FNBP1L: variants seen among roughly 807,000 people sequenced by gnomAD.
The protein encoded by FNBP1L is formin binding protein 1 like.
A neutral mutation model predicts 91.2 loss-of-function variants in FNBP1L; 36 were observed. That is an observed-to-expected ratio of 0.39 (90% CI 0.30 to 0.52). FNBP1L has a LOEUF of 0.52. Among genes scored for constraint, FNBP1L ranks in the 20% least tolerant of loss-of-function variants. The pLI, the probability that FNBP1L is intolerant of heterozygous loss-of-function variation, is 0.66. For missense variants in FNBP1L, 571 were observed against 732.1 expected, an observed-to-expected ratio of 0.78 and a Z score of 2.54; for synonymous variants, 242 against 237.0, an observed-to-expected ratio of 1.02 and a Z score of -0.19.
rs182345192 is a variant in FNBP1L at position 93,495,122 on chromosome 1, T to C, written c.25-4346T>C. ...TGAAAATAGTGATATGTGTAAAATA[T>C]GGCAATAAAATAAATTATCTCAGCA... On this transcript the variant is annotated intron_variant, in intron 1 of 16. Transcript: ENST00000271234. Among the ~76,000 whole-genome samples the C allele has an allele frequency of 1.1e-4, 17 of 152,294 alleles. No individual in the cohort carries two copies. The East Asian group carries it at 2.7e-3, about 24-fold the overall frequency.
Position 93,544,236 on chromosome 1 carries a change from T to C in FNBP1L, c.1274+20T>C. 1 of 1,547,722 alleles carries C rather than the reference T, an allele frequency of 6.5e-7. No homozygotes were observed. Among genetic ancestry groups the C allele is most frequent in the Non-Finnish European group, 8.9e-7 (1 of 1,127,216 alleles). On this transcript the variant is annotated intron_variant, in intron 12 of 16. Transcript: ENST00000271234. ...CCAAAAGTATTATTCCTTTAAGTTT[T>C]CTCTATCATTATTATTTTAGGATCT...
chr1:93,535,641 ATAAAAT>A (rs1276660305), intron 9 of FNBP1L, among the ~76,000 whole-genome samples: 2 of 152,086 alleles, frequency 1.3e-5, no homozygotes, highest in African/African-American at 2.4e-5. Context: ...ATGAGTGTAG[ATAAAAT>A]TAAAATTTAA....
chr1:93,509,805 C>T (rs1203916628), intron 2 of FNBP1L, among the ~76,000 whole-genome samples: 1 of 152,220 alleles, frequency 6.6e-6, no homozygotes, highest in East Asian at 1.9e-4. Context: ...TCGGGAAGCG[C>T]AAGGGGTCAG....
intron 6 of FNBP1L, 63 bp downstream of exon 6, chr1:93,529,819 C>CAT: frequency 1.0e-6 from 1 of 972,170 alleles, no homozygotes; most frequent in Non-Finnish European, 1.5e-6. Flanking sequence ...GGAAAGTAGT[C>CAT]ACGACATTTG....
chr1:93,521,020 C>T (rs920118594), intron 2 of FNBP1L, among the ~76,000 whole-genome samples: 4 of 151,140 alleles, frequency 2.6e-5, no homozygotes, highest in East Asian at 2.0e-4. Context: ...CCAGCCTGGG[C>T]GACACAGTGA....
intron 1 of FNBP1L, among the ~76,000 whole-genome samples, chr1:93,487,300 C>T (rs1022829450): frequency 2.6e-5 from 4 of 152,150 alleles, no homozygotes; most frequent in African/African-American, 9.6e-5. Flanking sequence ...TGATTTTGCC[C>T]ATTCTTTACT....
At position 93,534,784 on chromosome 1, in the gene FNBP1L, A is replaced by G. The variant is rs373661130; in HGVS notation, c.866A>G (p.His289Arg). Residue 289 changes from histidine (H) to arginine (R), a missense_variant, in exon 9 of 17, where the codon CAT becomes CGT. Transcript: ENST00000271234. ...GDFPFEDYSQHIYRTISDGTI... is the reference protein window; with the variant it reads ...GDFPFEDYSQRIYRTISDGTI... ...TTTCCATTTGAAGATTACAGTCAAC[A>G]TATATATAGAACCATTTCTGATGGG... 6.4e-7 allele frequency: 1 copy of G among 1,570,574 alleles called. No individual in the cohort carries two copies. Among genetic ancestry groups the G allele is most frequent in the Non-Finnish European group, 8.7e-7 (1 of 1,155,978 alleles).
At chr1:93,530,304 A>G (rs904084082) in intron 6 of FNBP1L, among the ~76,000 whole-genome samples, 2 of 152,146 alleles carry the variant, frequency 1.3e-5, no homozygotes, top group African/African-American at 4.8e-5. Context: ...TAAGTTCCAT[A>G]TTTTAGTTGG....
chr1:93,487,587 G>A (rs1022903071), intron 1 of FNBP1L, among the ~76,000 whole-genome samples: 4 of 152,160 alleles, frequency 2.6e-5, no homozygotes, highest in Admixed American at 6.5e-5. Flanking sequence ...CAGAAAAAGA[G>A]AAAATCATAT....
rs1017765540 is a variant in FNBP1L, at chr1:93,456,251, A to G, written c.24+7946A>G. ...CCAAATTAGTTATTCATGTTTGGCAATTGGGGCATTTTTTCCTTAAGTTCT... is the reference window on the plus strand; with the variant it reads ...CCAAATTAGTTATTCATGTTTGGCAGTTGGGGCATTTTTTCCTTAAGTTCT... On this transcript the variant is annotated intron_variant, in intron 1 of 16. Transcript: ENST00000271234. Among the ~76,000 whole-genome samples, 65 of 152,200 alleles carry G rather than the reference A, an allele frequency of 4.3e-4. 1 individual carries two copies. Among genetic ancestry groups the G allele is most frequent in the African/African-American group, 1.3e-3 (54 of 41,444 alleles).
chr1:93,507,604 G>A (rs1334141229), intron 2 of FNBP1L, among the ~76,000 whole-genome samples: 1 of 150,700 alleles, frequency 6.6e-6, no homozygotes, highest in African/African-American at 2.4e-5. Flanking sequence ...AATGAGATCA[G>A]CTGCTTCGGA....
intron 2 of FNBP1L, among the ~76,000 whole-genome samples, chr1:93,514,659 C>A (rs1053214921): frequency 6.6e-6 from 1 of 152,104 alleles, no homozygotes; most frequent in Non-Finnish European, 1.5e-5. Flanking sequence ...GAAAAACAAG[C>A]ATTGGGGAAA....
intron 11 of FNBP1L, among the ~76,000 whole-genome samples, chr1:93,542,638 C>A (rs999855398): frequency 6.6e-6 from 1 of 151,784 alleles, no homozygotes; most frequent in Non-Finnish European, 1.5e-5. Flanking sequence ...CTCATTCTTA[C>A]ACATGGTGAA....
intron 1 of FNBP1L, among the ~76,000 whole-genome samples, chr1:93,485,369 C>T (rs1373592051): frequency 6.6e-6 from 1 of 151,854 alleles, no homozygotes; most frequent in Non-Finnish European, 1.5e-5. Flanking sequence ...TTTAAAGACC[C>T]CTATAGAGAA....
intron 2 of FNBP1L, among the ~76,000 whole-genome samples, chr1:93,518,224 T>G (rs1671198990): frequency 6.6e-6 from 1 of 152,196 alleles, no homozygotes; most frequent in Non-Finnish European, 1.5e-5. Context: ...CTTCACGTAA[T>G]AGAGTCATTT....
At position 93,461,797 on chromosome 1, in the gene FNBP1L, T is replaced by C. The variant is rs541620860; in HGVS notation, c.24+13492T>C. On this transcript the variant is annotated intron_variant, in intron 1 of 16. Transcript: ENST00000271234. The stretch of plus-strand genomic sequence containing the variant: ...TGGCTTTGTAGAGGGAAAACAAATA[T>C]GTGGATATTTGAATTATTACATGGG... Among the ~76,000 whole-genome samples the C allele has an allele frequency of 3.3e-5, 5 of 152,290 alleles. No homozygotes were observed. In the East Asian group the frequency reaches 9.6e-4, roughly 29 times the overall value.
In FNBP1L at chr1:93,448,241, TGAA is replaced by T. The variant is rs1668335367; in HGVS notation, c.-39_-37del. 1 of 1,521,128 alleles carries T rather than the reference TGAA, an allele frequency of 6.6e-7. No homozygotes were observed. The highest frequency in any genetic ancestry group is 8.8e-7 in the Non-Finnish European group (1 of 1,134,206). 94.2% of individuals were successfully genotyped at this position (1,521,128 alleles called of 1,614,324 possible). The stretch of plus-strand genomic sequence containing the variant: ...CGGACAGACTGTGGAGCCGACAGAC[TGAA>T]GGACAGCGGCACCGCCAGACGGCCA... On this transcript the variant is annotated 5_prime_UTR_variant, in exon 1 of 17. Transcript: ENST00000271234.
In FNBP1L at chr1:93,546,916, A is replaced by G; in HGVS notation, c.1349A>G (p.Lys450Arg). 1.2e-6 allele frequency: 2 copies of G among 1,613,052 alleles called. No homozygotes were observed. Among genetic ancestry groups the G allele is most frequent in the Non-Finnish European group, 1.7e-6 (2 of 1,179,456 alleles). The change falls in exon 13 of 17, where the codon AAA becomes AGA. Residue 450 changes from lysine (K) to arginine (R), a missense_variant. Coordinates refer to ENST00000271234, the MANE Select transcript of FNBP1L (RefSeq NM_001164473.3). ...GGGGATCCAGGGAGTTTGCAGCCTA[A>G]ATTAGCAGAGACCATGAATAACATT... is the stretch of plus-strand genomic sequence containing the variant. ...QMGDPGSLQP[K>R]LAETMNNIDR...
chr1:93,460,040 C>T (rs1354623962), intron 1 of FNBP1L, among the ~76,000 whole-genome samples: 1 of 150,138 alleles, frequency 6.7e-6, no homozygotes, highest in African/African-American at 2.4e-5. Context: ...TCTGAAAATC[C>T]AAAACCTGAA....
Sources: gnomAD v4.1 joint callset for allele counts (sites outside exome capture counted in the v4.1 genomes callset) on GRCh38, gnomAD v4.1.1 for gene constraint, MANE v1.5 for transcripts, NCBI Gene and HGNC (gene_info 2026-07-23, HGNC 2026-07-21) for gene names.